CD47: variants seen among roughly 807,000 people sequenced by gnomAD.
The protein encoded by CD47 is leukocyte surface antigen CD47.
A neutral mutation model predicts 44.6 loss-of-function variants in CD47; 11 were observed. The ratio of observed to expected loss-of-function variants is 0.25; its 90% confidence interval spans 0.16 to 0.41. The LOEUF (loss-of-function observed/expected upper bound fraction) is 0.41. Ranked by LOEUF, CD47 falls within the 10% of genes least tolerant of loss-of-function variation. CD47 has a pLI of 1.00. For missense variants in CD47, 306 were observed against 386.7 expected, an observed-to-expected ratio of 0.79 and a Z score of 1.75; for synonymous variants, 140 against 136.3, an observed-to-expected ratio of 1.03 and a Z score of -0.19.
intron 1 of CD47, among the ~76,000 whole-genome samples, chr3:108,089,175 C>G (rs977396347): frequency 6.6e-5 from 10 of 152,176 alleles, no homozygotes; most frequent in Non-Finnish European, 1.3e-4. Flanking sequence ...ACAGTCCACA[C>G]TTAACACAAC....
intron 3 of CD47, among the ~76,000 whole-genome samples, chr3:108,065,411 C>T (rs2079086004): frequency 6.6e-6 from 1 of 152,090 alleles, no homozygotes; most frequent in South Asian, 2.1e-4. Context: ...TGTTCAATTC[C>T]TCCTACAATA....
Position 108,090,958 on chromosome 3 carries a change from G to T in CD47, c.-50C>A. 1 of 1,341,902 alleles carries T rather than the reference G, an allele frequency of 7.5e-7. No individual in the cohort carries two copies. Among genetic ancestry groups the T allele is most frequent in the Non-Finnish European group, 9.8e-7 (1 of 1,017,730 alleles). The allele number at this position is 1,341,902 out of a possible 1,614,324, so 83.1% of individuals were successfully genotyped here. A position where few individuals can be genotyped will look rare whatever the true frequency, so the allele number is the denominator to read the frequency against. The stretch of plus-strand genomic sequence containing the variant: ...GCCGCCGCCGCAGGTGTCCGGAGCA[G>T]CAGCCGCCGCCGCCGTTACAGGCAG... On this transcript the variant is annotated 5_prime_UTR_variant, in exon 1 of 11. It adds an upstream start codon to the 5' untranslated region. Coordinates refer to ENST00000361309, the MANE Select transcript of CD47 (RefSeq NM_001777.4).
chr3:108,060,975 T>A (rs2079002868), intron 3 of CD47, 123 bp from the exon 4 acceptor site: 2 of 626,074 alleles, frequency 3.2e-6, no homozygotes, highest in Admixed American at 5.3e-5. Context: ...GAGGAACAAC[T>A]CCTTAATATC....
intron 1 of CD47, 71 bp downstream of exon 1, chr3:108,090,792 G>T: frequency 7.4e-7 from 1 of 1,354,584 alleles, no homozygotes; most frequent in Non-Finnish European, 9.6e-7. Context: ...CGGGCTGGCT[G>T]GGGCGCAGCC....
chr3:108,057,616 C>G (rs2078933239), intron 6 of CD47, 47 bp from the exon 7 acceptor site: 1 of 965,210 alleles, frequency 1.0e-6, no homozygotes, highest in East Asian at 2.4e-5. Flanking sequence ...TATGAAATAA[C>G]TTACTAAAAA....
At chr3:108,072,379 A>G (rs1186808963) in intron 2 of CD47, among the ~76,000 whole-genome samples, 2 of 152,234 alleles carry the variant, frequency 1.3e-5, no homozygotes, top group African/African-American at 4.8e-5. Flanking sequence ...TGTTAAGCTT[A>G]TAATGCTATA....
rs1490727143 is a variant in CD47, at chr3:108,046,107, T to C, written c.*1181A>G. 1.3e-5 allele frequency: 2 copies of C among 152,452 alleles called. No homozygotes were observed. The highest frequency in any genetic ancestry group is 2.9e-5 in the Non-Finnish European group (2 of 68,026). The allele number at this position is 152,452 out of a possible 1,614,324, so 9.4% of individuals were successfully genotyped here. Reference sequence around the variant, plus strand: ...AACTGTCAGAACATTAATTTTCTTCTAACCAGGATAGGAAATGTGGGTTTT... The same window carrying C: ...AACTGTCAGAACATTAATTTTCTTCCAACCAGGATAGGAAATGTGGGTTTT... On this transcript the variant is annotated 3_prime_UTR_variant, in exon 11 of 11. Coordinates refer to ENST00000361309, the MANE Select transcript of CD47 (RefSeq NM_001777.4).
intron 2 of CD47, among the ~76,000 whole-genome samples, 170 bp from the exon 3 acceptor site, chr3:108,071,352 C>T (rs999102601): frequency 6.6e-6 from 1 of 152,132 alleles, no homozygotes; most frequent in Non-Finnish European, 1.5e-5. Context: ...AAACAAATTA[C>T]ACATAATGTA....
At chr3:108,075,383 G>A (rs1007635726) in intron 2 of CD47, among the ~76,000 whole-genome samples, 2 of 152,042 alleles carry the variant, frequency 1.3e-5, no homozygotes, top group Middle Eastern at 3.2e-3. Flanking sequence ...AAAAAGTGAA[G>A]ACACCATTCC....
At chr3:108,051,747 T>C (rs1341969889) in intron 8 of CD47, 192 bp downstream of exon 8, 3 of 675,688 alleles carry the variant, frequency 4.4e-6, no homozygotes, top group African/African-American at 3.5e-5. Context: ...TTCCATCCCA[T>C]TGACACTAAA....
At chr3:108,080,453 TAAGTA>T (rs2108266543) in intron 1 of CD47, 109 bp from the exon 2 acceptor site, 1 of 627,418 alleles carries the variant, frequency 1.6e-6, no homozygotes, top group Non-Finnish European at 2.8e-6. Flanking sequence ...ATTGTTCACT[TAAGTA>T]AACAGTATAG....
At chr3:108,076,239 A>G (rs879887169) in intron 2 of CD47, among the ~76,000 whole-genome samples, 1 of 152,216 alleles carries the variant, frequency 6.6e-6, no homozygotes, top group African/African-American at 2.4e-5. Context: ...AAACTAATAC[A>G]AAGATCTTGC....
chr3:108,061,942 C>A lies in CD47; in HGVS notation c.491-1090G>T, dbSNP rs1183543801. Among the ~76,000 whole-genome samples, 6 of 151,910 alleles carry A rather than the reference C, an allele frequency of 3.9e-5. No homozygotes were observed. In the East Asian group the frequency reaches 9.6e-4, roughly 24 times the overall value. Reference sequence around the variant, plus strand: ...AATAAAGTAAAAGCAATAAATAAGCCCCTAAATGATTGTGATAAAAATCTA... The same window carrying A: ...AATAAAGTAAAAGCAATAAATAAGCACCTAAATGATTGTGATAAAAATCTA... On this transcript the variant is annotated intron_variant, in intron 3 of 10. Transcript: ENST00000361309.
intron 8 of CD47, among the ~76,000 whole-genome samples, chr3:108,051,363 C>A (rs1043241187): frequency 6.6e-6 from 1 of 152,178 alleles, no homozygotes; most frequent in Non-Finnish European, 1.5e-5. Flanking sequence ...TAAAATTACT[C>A]CTTTCTTGCA....
intron 7 of CD47, 148 bp downstream of exon 7, chr3:108,057,329 G>C: frequency 4.2e-6 from 2 of 480,208 alleles, no homozygotes; most frequent in Non-Finnish European, 7.8e-6. Context: ...AATCCTATAT[G>C]TCTTCTACCC....
intron 10 of CD47, 65 bp downstream of exon 10, chr3:108,049,553 GC>G (rs1192148700): frequency 1.0e-6 from 1 of 992,208 alleles, no homozygotes; most frequent in Non-Finnish European, 1.6e-6. Context: ...TTTTCAAGAA[GC>G]TTTTTTGTTT....
chr3:108,073,438 A>G (rs1309862719), intron 2 of CD47, among the ~76,000 whole-genome samples: 1 of 152,110 alleles, frequency 6.6e-6, no homozygotes, highest in East Asian at 1.9e-4. Flanking sequence ...GAGGACCCTG[A>G]GTGTGCAGAG....
intron 1 of CD47, among the ~76,000 whole-genome samples, chr3:108,084,898 T>C (rs2079489833): frequency 6.6e-6 from 1 of 152,014 alleles, no homozygotes; most frequent in South Asian, 2.1e-4. Context: ...TCTAACCAGC[T>C]CCCTGCCTCC....
intron 7 of CD47, among the ~76,000 whole-genome samples, chr3:108,055,101 T>G (rs1218393472): frequency 6.6e-6 from 1 of 151,964 alleles, no homozygotes; most frequent in Non-Finnish European, 1.5e-5. Flanking sequence ...GTTTAAAAAG[T>G]TAAAAAATAG....
Sources: allele counts gnomAD v4.1 joint callset (sites outside exome capture counted in the v4.1 genomes callset), GRCh38; gene constraint gnomAD v4.1.1; transcripts MANE v1.5; gene names NCBI Gene and HGNC (gene_info 2026-07-23, HGNC 2026-07-21).